The following CAGE1 variants were observed in gnomAD, a reference collection of about 807,000 sequenced individuals.
The protein encoded by CAGE1 is cancer-associated gene 1 protein.
In CAGE1, 66 loss-of-function variants were observed where a neutral mutation model predicts 94.9. The observed-to-expected ratio is 0.70, with a 90% CI of 0.57 to 0.85. CAGE1 has a LOEUF of 0.85. CAGE1 is among the 40% of genes least tolerant of loss of function. CAGE1 has a pLI of 0.00. For synonymous variants in CAGE1, 319 were observed against 321.0 expected (o/e 0.99, Z 0.07); for missense variants, 865 against 950.4 (o/e 0.91, Z 1.18).
intron 7 of CAGE1, among the ~76,000 whole-genome samples, chr6:7,368,007 G>A (rs1434128451): frequency 1.3e-5 from 2 of 152,158 alleles, no homozygotes; most frequent in Non-Finnish European, 1.5e-5. Context: ...GGCCAAGGCA[G>A]GTGGATCACC....
intron 11 of CAGE1, chr6:7,342,035 C>G: frequency 1.2e-6 from 1 of 866,348 alleles, no homozygotes; most frequent in Non-Finnish European, 2.0e-6. Flanking sequence ...TGATATTTGT[C>G]TTTTTGGTAG....
chr6:7,383,138 C>T (rs2113473338), intron 3 of CAGE1, among the ~76,000 whole-genome samples: 1 of 152,268 alleles, frequency 6.6e-6, no homozygotes, highest in South Asian at 2.1e-4. Flanking sequence ...TTCCCCTGCC[C>T]CTCCTGTCGT....
chr6:7,378,702 A>G lies in CAGE1; in HGVS notation c.602T>C (p.Leu201Pro). 6.2e-7 allele frequency: 1 copy of G among 1,613,390 alleles called. No individual in the cohort carries two copies. The change falls in exon 4 of 14, where the codon CTG becomes CCG. Residue 201 changes from leucine to proline, a missense_variant. Leu to Pro is a moderately conservative substitution (Grantham distance 98). Coordinates refer to ENST00000502583, the MANE Select transcript of CAGE1 (RefSeq NM_001170692.2). ...PPLIHCSGEM[L>P]KFTEKSLAKS... ...AGCCAGTGACTTTTCTGTAAATTTCAGCATCTCTCCACTGCAGTGGATTAG... is the reference window on the plus strand; with the variant it reads ...AGCCAGTGACTTTTCTGTAAATTTCGGCATCTCTCCACTGCAGTGGATTAG...
Position 7,339,438 on chromosome 6 carries a change from G to A in CAGE1, c.2370-5348C>T, listed in dbSNP as rs1376982796. ...GGCTAAGACAATGATTTCTGTCCTG[G>A]TTGGTGTAACTCGCATCTCAACTCC... On this transcript the variant is annotated intron_variant, in intron 11 of 13. Coordinates refer to ENST00000502583, the MANE Select transcript of CAGE1 (RefSeq NM_001170692.2). This position sits in a 1 kb window ranked among gnomAD's most constrained non-coding sequence, Gnocchi z 4.7. 2.9e-6 allele frequency: 4 copies of A among 1,390,138 alleles called. No individual in the cohort carries two copies. The highest frequency in any genetic ancestry group is 4.6e-5 in the East Asian group (2 of 43,952). 86.1% of individuals were successfully genotyped at this position (1,390,138 alleles called of 1,614,324 possible). A position where few individuals can be genotyped will look rare whatever the true frequency, so the allele number is the denominator to read the frequency against.
intron 4 of CAGE1, among the ~76,000 whole-genome samples, chr6:7,375,732 A>G (rs1486097494): frequency 6.6e-6 from 1 of 152,182 alleles, no homozygotes; most frequent in Non-Finnish European, 1.5e-5. Context: ...ATAAATAAAT[A>G]AGTAAAAACC....
At chr6:7,338,182 A>G (rs531143617) in intron 11 of CAGE1, among the ~76,000 whole-genome samples, 48 of 152,332 alleles carry the variant, frequency 3.2e-4, no homozygotes, top group African/African-American at 1.1e-3. Context: ...AGATTCCATC[A>G]GATTCTCTAC....
intron 9 of CAGE1, among the ~76,000 whole-genome samples, chr6:7,364,098 A>G (rs545246549): frequency 6.6e-6 from 1 of 152,208 alleles, no homozygotes; most frequent in East Asian, 1.9e-4. Context: ...TACTCTCATC[A>G]TCTTTGTATC....
chr6:7,366,852 C>T (rs531259693), intron 7 of CAGE1, among the ~76,000 whole-genome samples: 1 of 152,004 alleles, frequency 6.6e-6, no homozygotes, highest in South Asian at 2.1e-4. Flanking sequence ...AAGGAGTTAT[C>T]CTAACATAAC....
intron 11 of CAGE1, among the ~76,000 whole-genome samples, chr6:7,352,439 G>C (rs1759816612): frequency 6.6e-6 from 1 of 151,810 alleles, no homozygotes; most frequent in African/African-American, 2.4e-5. Flanking sequence ...TGGATGGGTA[G>C]AATCAATATT....
rs1561864686 is a variant in CAGE1 at position 7,373,855 on chromosome 6, GC to G, written c.963del (p.Arg322GlufsTer12). 3 of 1,613,616 alleles carry G rather than the reference GC, an allele frequency of 1.9e-6. No individual in the cohort carries two copies. The highest frequency in any genetic ancestry group is 2.5e-6 in the Non-Finnish European group (3 of 1,179,808). ...KLKHTNRKQE[V>X]RIQELQCSNL... is the part of the protein sequence containing the mutation. ...TTACTACACTGGAGTTCTTGGATTCGCACTTCCTGCTTTCTGTTAGTATGTT... is the reference window on the plus strand; with the variant it reads ...TTACTACACTGGAGTTCTTGGATTCGACTTCCTGCTTTCTGTTAGTATGTT... On this transcript the variant is annotated frameshift_variant, in exon 5 of 14. Coordinates refer to ENST00000502583, the MANE Select transcript of CAGE1 (RefSeq NM_001170692.2). LOFTEE classifies it high-confidence loss of function.
At chr6:7,336,502 A>T (rs993632790) in intron 11 of CAGE1, among the ~76,000 whole-genome samples, 1 of 129,672 alleles carries the variant, frequency 7.7e-6, no homozygotes. Flanking sequence ...TAATGACATG[A>T]GTGTATTTCT....
At chr6:7,378,495 T>G (rs914556588) in intron 4 of CAGE1, 122 bp downstream of exon 4, 1 of 738,000 alleles carries the variant, frequency 1.4e-6, no homozygotes, top group Non-Finnish European at 2.1e-6. Context: ...CCTTTAATAC[T>G]CCACAGGCTT....
In CAGE1 at chr6:7,364,646, T is replaced by C. The variant is rs191008224; in HGVS notation, c.2193+822A>G. 2.6e-3 allele frequency among the ~76,000 whole-genome samples: 402 copies of C among 152,170 alleles called. 4 individuals are homozygous for C. The highest frequency in any genetic ancestry group is 9.2e-3 in the African/African-American group (383 of 41,510). The stretch of plus-strand genomic sequence containing the variant: ...ACCGCGCCCGGCTAATTTTTTGTAT[T>C]TTTAGTAGAGACGGGGTTTCACCAT... On this transcript the variant is annotated intron_variant, in intron 9 of 13. Coordinates refer to ENST00000502583, the MANE Select transcript of CAGE1 (RefSeq NM_001170692.2).
At chr6:7,357,136 C>A (rs887936755) in intron 9 of CAGE1, among the ~76,000 whole-genome samples, 1 of 151,496 alleles carries the variant, frequency 6.6e-6, no homozygotes, top group Non-Finnish European at 1.5e-5. Flanking sequence ...TAGTGAAGAA[C>A]CCTAGAGGAA....
chr6:7,378,494 C>G (rs990207898), intron 4 of CAGE1, 123 bp downstream of exon 4: 24 of 727,244 alleles, frequency 3.3e-5, no homozygotes, highest in Non-Finnish European at 4.7e-5. Context: ...TCCTTTAATA[C>G]TCCACAGGCT....
At chr6:7,352,657 A>G (rs565052262) in intron 11 of CAGE1, among the ~76,000 whole-genome samples, 12 of 152,330 alleles carry the variant, frequency 7.9e-5, no homozygotes, top group African/African-American at 2.9e-4. Flanking sequence ...CTATAAGGCT[A>G]TAGTCACCAA....
Position 7,373,448 on chromosome 6 carries a change from T to A in CAGE1, c.1371A>T (p.Gln457His). The change falls in exon 5 of 14, where the codon CAA becomes CAT. Residue 457 changes from glutamine (Q) to histidine (H), a missense_variant. By Grantham distance (24) the Gln-to-His change is conservative. Transcript: ENST00000502583. Reference sequence around the variant, plus strand: ...TGGCCTTTTCCAGTTCTTTTTTGAGTTGTTGTAGTCTCTCTACCTCTTCTT... The same window carrying A: ...TGGCCTTTTCCAGTTCTTTTTTGAGATGTTGTAGTCTCTCTACCTCTTCTT... ...KKEEEVERLQ[Q>H]LKKELEKATA... is the part of the protein sequence containing the mutation. 6.2e-7 allele frequency: 1 copy of A among 1,613,832 alleles called. No homozygotes were observed.
chr6:7,361,799 C>T (rs551397739), intron 9 of CAGE1, among the ~76,000 whole-genome samples: 5 of 152,326 alleles, frequency 3.3e-5, no homozygotes, highest in East Asian at 3.9e-4. Context: ...AACAAGAAAA[C>T]AGCTGGTAAG....
chr6:7,329,614 T>C (rs1758674753), intron 13 of CAGE1, among the ~76,000 whole-genome samples: 1 of 152,098 alleles, frequency 6.6e-6, no homozygotes, highest in African/African-American at 2.4e-5. Context: ...CGACAGGGGC[T>C]TGAAGGAGTA....
Sources: gnomAD v4.1 joint callset for allele counts (sites outside exome capture counted in the v4.1 genomes callset) on GRCh38, gnomAD v4.1.1 for gene constraint, Gnocchi (gnomAD v3.1) non-coding constraint, MANE v1.5 for transcripts, NCBI Gene and HGNC (gene_info 2026-07-23, HGNC 2026-07-21) for gene names.